The following FANCM variants were observed in gnomAD, a reference collection of about 807,000 sequenced individuals.
The protein encoded by FANCM is FA complementation group M, also known as Fanconi anemia group M protein.
Under a neutral mutation model 199.5 loss-of-function variants are expected in FANCM, and 140 were observed. The ratio of observed to expected loss-of-function variants is 0.70; its 90% CI spans 0.61 to 0.81. The LOEUF (loss-of-function observed/expected upper bound fraction) is 0.81. Among genes scored for constraint, FANCM ranks in the 30% least tolerant of loss-of-function variants. The probability of loss-of-function intolerance (pLI) is 0.00; values close to 1 mark genes in which losing one functional copy is unlikely to be tolerated. For synonymous variants in FANCM, 840 were observed against 836.8 expected, an observed-to-expected ratio of 1.00 and a Z score of -0.07; for missense variants, 2,410 against 2,421.4, an observed-to-expected ratio of 1.00 and a Z score of 0.10.
At position 45,167,173 on chromosome 14, in the gene FANCM, T is replaced by C. The variant is rs1888043289; in HGVS notation, c.2002+10T>C. The C allele has an allele frequency of 3.2e-6, 5 of 1,558,906 alleles. No individual in the cohort carries two copies. The highest frequency in any genetic ancestry group is 4.4e-6 in the Non-Finnish European group (5 of 1,129,742). On this transcript the variant is annotated intron_variant, in intron 11 of 22. Transcript: ENST00000267430. ...TTTTCCTATAGGGATGGTAAATAAA[T>C]TTTGCATTTGACACATGCATTTTTC...
chr14:45,170,798 C>A, intron 12 of FANCM, 52 bp downstream of exon 12: 1 of 1,398,370 alleles, frequency 7.2e-7, no homozygotes, highest in Non-Finnish European at 1.0e-6. Flanking sequence ...ATTTTAATGC[C>A]AGAACCCCTC....
intron 2 of FANCM, among the ~76,000 whole-genome samples, chr14:45,139,102 T>C (rs866921353): frequency 3.3e-4 from 50 of 152,346 alleles, no homozygotes; most frequent in African/African-American, 1.1e-3. Flanking sequence ...TCTTCCTTAC[T>C]GCACTCATGA....
At chr14:45,180,398 A>T (rs1888989214) in intron 14 of FANCM, among the ~76,000 whole-genome samples, 1 of 149,800 alleles carries the variant, frequency 6.7e-6, no homozygotes, top group African/African-American at 2.5e-5. Flanking sequence ...TGCCATGTGG[A>T]CCTCTTCGTA....
intron 8 of FANCM, among the ~76,000 whole-genome samples, chr14:45,158,660 A>G (rs1887365226): frequency 6.6e-6 from 1 of 152,268 alleles, no homozygotes; most frequent in African/African-American, 2.4e-5. Flanking sequence ...GTAAAGGGAA[A>G]TGATAGCCAT....
chr14:45,192,414 G>A (rs1489971356), intron 20 of FANCM, among the ~76,000 whole-genome samples: 2 of 152,232 alleles, frequency 1.3e-5, no homozygotes, highest in Non-Finnish European at 2.9e-5. Context: ...GGCCGAGGCA[G>A]GTGGATCACT....
rs1210888568 is a variant in FANCM, at chr14:45,151,487, G to C, written c.1009G>C (p.Ala337Pro). 3 of 1,612,394 alleles carry C rather than the reference G, an allele frequency of 1.9e-6. No homozygotes were observed. The African/African-American group carries it at 4.0e-5, about 22-fold the overall frequency. The change falls in exon 5 of 23, where the codon GCA becomes CCA. Residue 337 changes from alanine (A) to proline (P), a missense_variant. By Grantham distance (27) the Ala-to-Pro change is conservative. Transcript: ENST00000267430. ...PNLTKYQIIL[A>P]RDQFRKNPSP... Reference sequence around the variant, plus strand: ...TCTAACAAAATATCAGATAATTCTGGCAAGAGATCAGTTTAGGAAAAACCC... The same window carrying C: ...TCTAACAAAATATCAGATAATTCTGCCAAGAGATCAGTTTAGGAAAAACCC...
chr14:45,139,831 C>G (rs1671408813), intron 2 of FANCM, among the ~76,000 whole-genome samples: 1 of 151,974 alleles, frequency 6.6e-6, no homozygotes, highest in African/African-American at 2.4e-5. Flanking sequence ...AATTAGCTTT[C>G]ACTACATTAC....
At chr14:45,190,893 G>A (rs1889727315) in intron 20 of FANCM, among the ~76,000 whole-genome samples, 1 of 152,090 alleles carries the variant, frequency 6.6e-6, no homozygotes, top group Non-Finnish European at 1.5e-5. Context: ...TTCTTATTGT[G>A]TTGCTTAGGC....
chr14:45,178,342 A>G (rs969708332), intron 14 of FANCM, among the ~76,000 whole-genome samples: 5 of 152,222 alleles, frequency 3.3e-5, no homozygotes, highest in Admixed American at 1.3e-4. Flanking sequence ...TATGAAGTCC[A>G]CGTTAATGAG....
In FANCM at chr14:45,154,794, A is replaced by G; in HGVS notation, c.1281A>G (p.Ser427=). The G allele has an allele frequency of 6.2e-7, 1 of 1,607,912 alleles. No homozygotes were observed. Among genetic ancestry groups the G allele is most frequent in the Non-Finnish European group, 8.5e-7 (1 of 1,175,920 alleles). The change falls in exon 7 of 23, where the codon TCA becomes TCG. Residue 427 remains serine, a synonymous_variant. Transcript: ENST00000267430. ...TGTTTGCACGTACACGTAGTACTTC[A>G]GCAAATGGTATTTCTGCTATCCAAC... ...ECMFARTRST[S]ANGISAIQQG...
chr14:45,167,334 G>A, intron 11 of FANCM, 171 bp downstream of exon 11: 1 of 619,600 alleles, frequency 1.6e-6, no homozygotes. Flanking sequence ...CAAATGGAGA[G>A]ACACTGGTAG....
At position 45,187,547 on chromosome 14, in the gene FANCM, G is replaced by A. The variant is rs111650315; in HGVS notation, c.4673-234G>A. 7.3e-3 allele frequency among the ~76,000 whole-genome samples: 1,117 copies of A among 152,126 alleles called. 24 individuals carry two copies. Among genetic ancestry groups the A allele is most frequent in the African/African-American group, 0.026 (1,061 of 41,508 alleles). ...TTTTCAGAGAGATAGATAAAGCAGG[G>A]AACTTAAGTTGTCCATGATCACTCA... On this transcript the variant is annotated intron_variant, in intron 18 of 22. Coordinates refer to ENST00000267430, the MANE Select transcript of FANCM (RefSeq NM_020937.4).
At chr14:45,195,743 A>G (rs886260119) in intron 20 of FANCM, among the ~76,000 whole-genome samples, 2 of 152,124 alleles carry the variant, frequency 1.3e-5, no homozygotes, top group Non-Finnish European at 2.9e-5. Flanking sequence ...GTTGTTTTCA[A>G]CTGGAGATAC....
At chr14:45,180,377 C>A (rs1365341325) in intron 14 of FANCM, among the ~76,000 whole-genome samples, 10 of 151,880 alleles carry the variant, frequency 6.6e-5, no homozygotes, top group Admixed American at 6.6e-4. Context: ...TAGTAGGAGA[C>A]CTTGGTTTCT....
At chr14:45,157,353 C>G (rs1264900166) in intron 8 of FANCM, among the ~76,000 whole-genome samples, 1 of 151,944 alleles carries the variant, frequency 6.6e-6, no homozygotes, top group Non-Finnish European at 1.5e-5. Flanking sequence ...ATTATCAGGA[C>G]AACAGTTTAG....
chr14:45,157,683 C>T (rs2139181562), intron 8 of FANCM, among the ~76,000 whole-genome samples: 1 of 152,272 alleles, frequency 6.6e-6, no homozygotes, highest in Middle Eastern at 3.4e-3. Flanking sequence ...CATACAGAGA[C>T]TTGATGCTTG....
At chr14:45,166,869 C>T (rs1888013914) in intron 10 of FANCM, 81 bp from the exon 11 acceptor site, 4 of 832,678 alleles carry the variant, frequency 4.8e-6, no homozygotes, top group Non-Finnish European at 6.0e-6. Context: ...TACAATAAAT[C>T]CAAACTAATA....
intron 3 of FANCM, among the ~76,000 whole-genome samples, chr14:45,144,355 T>A (rs11845714): frequency 3.3e-5 from 4 of 120,592 alleles, no homozygotes; most frequent in African/African-American, 1.2e-4. Flanking sequence ...TAATCATCCT[T>A]CTACTCTCTA....
intron 2 of FANCM, among the ~76,000 whole-genome samples, chr14:45,139,231 TTC>T (rs1885740324): frequency 6.6e-6 from 1 of 152,226 alleles, no homozygotes; most frequent in South Asian, 2.1e-4. Context: ...TTTTACTTGT[TTC>T]TGAAGAATAA....
Sources: gnomAD v4.1 joint callset for allele counts (sites outside exome capture counted in the v4.1 genomes callset) on GRCh38, gnomAD v4.1.1 for gene constraint, MANE v1.5 for transcripts, NCBI Gene and HGNC (gene_info 2026-07-23, HGNC 2026-07-21) for gene names.